CTNNA3: variants seen among roughly 807,000 people sequenced by gnomAD.
The protein encoded by CTNNA3 is catenin alpha 3.
CTNNA3 carries 76 observed loss-of-function variants against 95.7 expected under a neutral mutation model. The observed-to-expected ratio is 0.79, with a 90% CI of 0.66 to 0.96. The LOEUF (loss-of-function observed/expected upper bound fraction) is 0.96, where lower values mean the gene tolerates loss of function less well. Ranked by LOEUF, CTNNA3 falls within the 40% of genes least tolerant of loss-of-function variation. The probability of loss-of-function intolerance (pLI) is 0.00; values close to 1 mark genes in which losing one functional copy is unlikely to be tolerated. For synonymous variants in CTNNA3, 431 were observed against 374.4 expected (o/e 1.15, Z -1.74); for missense variants, 1,191 against 1,089.8 (o/e 1.09, Z -1.31).
intron 9 of CTNNA3, among the ~76,000 whole-genome samples, chr10:66,669,614 G>T (rs4746622): frequency 0.26 from 39,605 of 151,996 alleles, 5,479 homozygotes; most frequent in Middle Eastern, 0.4. Context: ...CCATTCAACT[G>T]CCATGTTTAC....
chr10:66,354,673 T>C (rs1444611650), intron 12 of CTNNA3, among the ~76,000 whole-genome samples: 1 of 152,014 alleles, frequency 6.6e-6, no homozygotes, highest in African/African-American at 2.4e-5. Context: ...GATTTAGGCT[T>C]TCACTTCATG....
At chr10:67,181,986 A>T (rs567523591) in intron 6 of CTNNA3, among the ~76,000 whole-genome samples, 14 of 152,142 alleles carry the variant, frequency 9.2e-5, no homozygotes, top group Non-Finnish European at 1.8e-4. Context: ...CTTACAAGGG[A>T]TGTGAAGGAC....
intron 7 of CTNNA3, among the ~76,000 whole-genome samples, chr10:66,998,288 C>G (rs1851470791): frequency 6.6e-6 from 1 of 152,142 alleles, no homozygotes; most frequent in Non-Finnish European, 1.5e-5. Flanking sequence ...TTAGCATACA[C>G]TGTTGTTTTA....
chr10:66,522,019 A>G (rs1253366257), intron 10 of CTNNA3, among the ~76,000 whole-genome samples: 1 of 152,174 alleles, frequency 6.6e-6, no homozygotes, highest in Admixed American at 6.6e-5. Flanking sequence ...AAACTGAACC[A>G]ATTAAGATGT....
chr10:67,114,036 T>A (rs142080043), intron 7 of CTNNA3, among the ~76,000 whole-genome samples: 1 of 149,886 alleles, frequency 6.7e-6, no homozygotes, highest in African/African-American at 2.5e-5. Context: ...TGAGCTATGA[T>A]CACACCACCG....
intron 10 of CTNNA3, among the ~76,000 whole-genome samples, chr10:66,549,955 C>T (rs1366572742): frequency 1.3e-5 from 2 of 152,160 alleles, no homozygotes; most frequent in Non-Finnish European, 2.9e-5. Context: ...GCATATACTA[C>T]TCTATTATAC....
intron 5 of CTNNA3, among the ~76,000 whole-genome samples, chr10:67,228,990 C>T (rs1296614237): frequency 6.6e-6 from 1 of 152,024 alleles, no homozygotes; most frequent in Non-Finnish European, 1.5e-5. Context: ...CACCCTAGCA[C>T]CAGAACCAGG....
intron 10 of CTNNA3, among the ~76,000 whole-genome samples, chr10:66,527,923 A>AT (rs200656387): frequency 0.024 from 3,697 of 152,214 alleles, 94 homozygotes; most frequent in East Asian, 0.063. Context: ...CCACCAAAAA[A>AT]ATATATAAGT....
intron 8 of CTNNA3, among the ~76,000 whole-genome samples, chr10:66,775,108 C>G (rs1840241209): frequency 6.6e-6 from 1 of 152,066 alleles, no homozygotes; most frequent in Non-Finnish European, 1.5e-5. Flanking sequence ...TTTATTGATT[C>G]CTCACAGCCC....
intron 13 of CTNNA3, among the ~76,000 whole-genome samples, chr10:66,264,211 GA>G (rs2091089204): frequency 6.6e-6 from 1 of 151,784 alleles, no homozygotes; most frequent in South Asian, 2.1e-4. Context: ...ACTTCTACCC[GA>G]AACAGATTCC....
At chr10:66,171,855 CAA>C (rs1184568406) in intron 13 of CTNNA3, among the ~76,000 whole-genome samples, 3 of 151,332 alleles carry the variant, frequency 2.0e-5, no homozygotes, top group East Asian at 3.9e-4. Flanking sequence ...CATGAGGGAA[CAA>C]AAAAAATTAA....
chr10:66,507,556 G>A (rs910336095), intron 11 of CTNNA3, among the ~76,000 whole-genome samples: 1 of 151,830 alleles, frequency 6.6e-6, no homozygotes, highest in Non-Finnish European at 1.5e-5. Context: ...TTACTTCCAT[G>A]AGCTCATTGT....
intron 7 of CTNNA3, among the ~76,000 whole-genome samples, chr10:67,096,858 C>T (rs936187732): frequency 6.6e-6 from 1 of 151,816 alleles, no homozygotes; most frequent in South Asian, 2.1e-4. Context: ...ATAGATTTTT[C>T]CTGGGAATTC....
At chr10:67,408,651 A>G (rs1174777982) in intron 5 of CTNNA3, among the ~76,000 whole-genome samples, 1 of 152,186 alleles carries the variant, frequency 6.6e-6, no homozygotes, top group African/African-American at 2.4e-5. Context: ...AAACCTAGGC[A>G]GTACTATTCA....
chr10:67,005,664 T>C (rs899150714), intron 7 of CTNNA3, among the ~76,000 whole-genome samples: 2 of 137,618 alleles, frequency 1.5e-5, no homozygotes, highest in African/African-American at 5.2e-5. Context: ...AGTAATGCTT[T>C]TGTTTATTTT....
chr10:67,559,438 T>C (rs1182731613), intron 3 of CTNNA3, among the ~76,000 whole-genome samples: 1 of 152,102 alleles, frequency 6.6e-6, no homozygotes, highest in African/African-American at 2.4e-5. Flanking sequence ...TCCTGTCTGT[T>C]AGAAGGAAAA....
At chr10:67,098,724 CAAAT>C (rs1182946925) in intron 7 of CTNNA3, 1 of 152,174 alleles carries the variant, frequency 6.6e-6, no homozygotes, top group East Asian at 1.9e-4. Flanking sequence ...CTGCCAGTGA[CAAAT>C]AAAAACTTTT....
chr10:66,015,123 T>G (rs574914769), intron 15 of CTNNA3, among the ~76,000 whole-genome samples: 2 of 150,708 alleles, frequency 1.3e-5, no homozygotes, highest in Non-Finnish European at 2.9e-5. Flanking sequence ...ATAATAATAA[T>G]AAAATAAAAT....
intron 5 of CTNNA3, among the ~76,000 whole-genome samples, chr10:67,375,944 T>C (rs573019023): frequency 6.6e-6 from 1 of 152,234 alleles, no homozygotes; most frequent in African/African-American, 2.4e-5. Flanking sequence ...CCCTTATGAA[T>C]AGGATCAGTG....
Sources: allele counts gnomAD v4.1 joint callset (sites outside exome capture counted in the v4.1 genomes callset), GRCh38; gene constraint gnomAD v4.1.1; transcripts MANE v1.5; gene names NCBI Gene and HGNC (gene_info 2026-07-23, HGNC 2026-07-21).